SLAIN2: variants seen among roughly 807,000 people sequenced by gnomAD.
SLAIN2 encodes SLAIN family member 2.
SLAIN2 carries 31 observed loss-of-function variants against 56.6 expected under a neutral mutation model. The observed-to-expected ratio is 0.55, with a 90% confidence interval of 0.41 to 0.74. The LOEUF (loss-of-function observed/expected upper bound fraction) is 0.74, where lower values mean the gene tolerates loss of function less well. Among genes scored for constraint, SLAIN2 ranks in the 30% least tolerant of loss-of-function variants. The pLI is 0.00. For synonymous variants in SLAIN2, 317 were observed against 284.9 expected (o/e 1.11, Z -1.13); for missense variants, 777 against 754.2 (o/e 1.03, Z -0.35).
chr4:48,420,039 G>A, intron 6 of SLAIN2, 86 bp from the exon 7 acceptor site: 1 of 1,311,818 alleles, frequency 7.6e-7, no homozygotes, highest in Non-Finnish European at 1.1e-6. Flanking sequence ...ATGTACTAGT[G>A]CCCAATCATC....
chr4:48,392,959 G>GAA (rs970575168), intron 6 of SLAIN2, among the ~76,000 whole-genome samples: 1 of 150,436 alleles, frequency 6.6e-6, no homozygotes, highest in Non-Finnish European at 1.5e-5. Context: ...TTGAATGAAT[G>GAA]AAAAAAACAG....
At chr4:48,402,929 C>T (rs1182121860) in intron 6 of SLAIN2, among the ~76,000 whole-genome samples, 5 of 152,070 alleles carry the variant, frequency 3.3e-5, no homozygotes, top group Admixed American at 1.3e-4. Context: ...TTGATGTTGT[C>T]GTTGCTTTCT....
At chr4:48,412,415 CAT>C (rs1218836816) in intron 6 of SLAIN2, among the ~76,000 whole-genome samples, 596 of 31,030 alleles carry the variant, frequency 0.019, 22 homozygotes, top group Middle Eastern at 0.071. Context: ...CACACACACA[CAT>C]TCCCTCTCTC....
At chr4:48,370,026 A>G (rs1715623601) in intron 2 of SLAIN2, 29 bp downstream of exon 2, 2 of 1,603,118 alleles carry the variant, frequency 1.2e-6, no homozygotes, top group African/African-American at 1.3e-5. Flanking sequence ...TTGTAAATTC[A>G]TCTCTTTGCT....
At chr4:48,406,329 G>C (rs185192619) in intron 6 of SLAIN2, among the ~76,000 whole-genome samples, 98 of 152,258 alleles carry the variant, frequency 6.4e-4, no homozygotes, top group Non-Finnish European at 1.1e-3. Context: ...TGCAGAGCTT[G>C]TGGGCAATTA....
intron 2 of SLAIN2, among the ~76,000 whole-genome samples, chr4:48,375,379 A>G (rs1715784739): frequency 6.6e-6 from 1 of 152,226 alleles, no homozygotes. Context: ...CTAAACAGAA[A>G]ACATATGTTC....
chr4:48,383,914 T>G (rs911064098), intron 6 of SLAIN2, 130 bp downstream of exon 6: 1 of 880,256 alleles, frequency 1.1e-6, no homozygotes, highest in Non-Finnish European at 1.7e-6. Context: ...ATAGTAAAAT[T>G]TAGTGTTTAT....
intron 6 of SLAIN2, among the ~76,000 whole-genome samples, chr4:48,405,927 G>A (rs1716681428): frequency 6.6e-6 from 1 of 152,100 alleles, no homozygotes. Flanking sequence ...AAGGTGGCCA[G>A]TTTTAAAAAA....
At chr4:48,371,469 G>A (rs1272372332) in intron 2 of SLAIN2, among the ~76,000 whole-genome samples, 1 of 152,152 alleles carries the variant, frequency 6.6e-6, no homozygotes, top group African/African-American at 2.4e-5. Flanking sequence ...CCTGAAGCTT[G>A]ATGTAAGTTA....
intron 1 of SLAIN2, among the ~76,000 whole-genome samples, chr4:48,358,829 T>G (rs1329438062): frequency 6.6e-6 from 1 of 152,108 alleles, no homozygotes; most frequent in Non-Finnish European, 1.5e-5. Context: ...CAAGCGATTC[T>G]TCTGCCTCAG....
chr4:48,359,049 A>C (rs1229354136), intron 1 of SLAIN2, among the ~76,000 whole-genome samples: 1 of 152,236 alleles, frequency 6.6e-6, no homozygotes, highest in African/African-American at 2.4e-5. Context: ...CTTTTATTAA[A>C]GTTTTTTTAA....
rs970440515 is a variant in SLAIN2 at position 48,341,592 on chromosome 4, T to TG, written c.-142dup. The TG allele has an allele frequency of 1.1e-5, 14 of 1,243,406 alleles. No homozygotes were observed. Among genetic ancestry groups the TG allele is most frequent in the African/African-American group, 8.0e-5 (5 of 62,802 alleles). The allele number at this position is 1,243,406 out of a possible 1,614,324, so 77.0% of individuals were successfully genotyped here. ...GCCAGCGGCGCTTTGGAACCCGAGG[T>TG]GGGGGGACCCTGGCGGTGGGGCCTG... On this transcript the variant is annotated 5_prime_UTR_variant, in exon 1 of 8. It removes the in-frame stop codon of an upstream open reading frame in the 5' UTR. Transcript: ENST00000264313.
intron 6 of SLAIN2, among the ~76,000 whole-genome samples, chr4:48,384,096 A>G: frequency 7.0e-6 from 1 of 143,362 alleles, no homozygotes; most frequent in Non-Finnish European, 1.6e-5. Context: ...AGATACTAGA[A>G]TTAGAAATAA....
intron 6 of SLAIN2, among the ~76,000 whole-genome samples, chr4:48,386,117 A>G (rs1716093657): frequency 6.6e-6 from 1 of 151,702 alleles, no homozygotes; most frequent in Non-Finnish European, 1.5e-5. Context: ...AAAGCTACGA[A>G]AAAACTATAT....
Position 48,382,743 on chromosome 4 carries a change from A to G in SLAIN2, c.1038A>G (p.Pro346=). The G allele has an allele frequency of 4.3e-6, 7 of 1,613,744 alleles. No individual in the cohort carries two copies. Among genetic ancestry groups the G allele is most frequent in the Non-Finnish European group, 5.9e-6 (7 of 1,179,858 alleles). ...CTGTTAACAGGTTTTCACCATCACCACGCAATTCACCTCGACCGTCACCTA... is the reference window on the plus strand; with the variant it reads ...CTGTTAACAGGTTTTCACCATCACCGCGCAATTCACCTCGACCGTCACCTA... ...YPAVNRFSPS[P]RNSPRPSPKQ... Residue 346 remains proline, a synonymous_variant, in exon 5 of 8, where the codon CCA becomes CCG. Transcript: ENST00000264313.
chr4:48,394,564 A>C, intron 6 of SLAIN2: 1 of 1,535,310 alleles, frequency 6.5e-7, no homozygotes. Flanking sequence ...ACAGTTCCTT[A>C]TTTTTCAACA....
At position 48,420,332 on chromosome 4, in the gene SLAIN2, T is replaced by C; in HGVS notation, c.1568T>C (p.Leu523Pro). ...CCCAGCAATATCAACAGCGCTACTC[T>C]AACCAGACCTGCAGGGACAACTGCA... ...NPPSNINSATLTRPAGTTAMR... is the reference protein window; with the variant it reads ...NPPSNINSATPTRPAGTTAMR... The change falls in exon 7 of 8, where the codon CTA becomes CCA. Residue 523 changes from leucine (L) to proline (P), a missense_variant. Transcript: ENST00000264313. The C allele has an allele frequency of 6.2e-7, 1 of 1,613,966 alleles. No individual in the cohort carries two copies. Among genetic ancestry groups the C allele is most frequent in the Non-Finnish European group, 8.5e-7 (1 of 1,179,860 alleles).
intron 4 of SLAIN2, among the ~76,000 whole-genome samples, chr4:48,380,875 G>C (rs1233830376): frequency 6.6e-6 from 1 of 152,150 alleles, no homozygotes; most frequent in African/African-American, 2.4e-5. Flanking sequence ...TTATCAAGCT[G>C]TAGCATTTAT....
intron 6 of SLAIN2, among the ~76,000 whole-genome samples, chr4:48,396,283 G>A (rs1407243977): frequency 6.6e-6 from 1 of 151,966 alleles, no homozygotes; most frequent in South Asian, 2.1e-4. Flanking sequence ...GGGGGAGGAG[G>A]GGCAGGGGGT....
Sources: allele counts gnomAD v4.1 joint callset (sites outside exome capture counted in the v4.1 genomes callset), GRCh38; gene constraint gnomAD v4.1.1; transcripts MANE v1.5; gene names NCBI Gene and HGNC (gene_info 2026-07-23, HGNC 2026-07-21).